Variants in DOCK9 observed in about 807,000 individuals in gnomAD.
DOCK9 encodes dedicator of cytokinesis protein 9.
Under a neutral mutation model 263.3 loss-of-function variants are expected in DOCK9, and 89 were observed. The observed-to-expected ratio is 0.34, with a 90% CI of 0.28 to 0.40. The LOEUF is 0.40. Ranked by LOEUF, DOCK9 falls within the 10% of genes least tolerant of loss-of-function variation. The pLI is 1.00. For missense variants in DOCK9, 2,140 were observed against 2,603.4 expected, an observed-to-expected ratio of 0.82 and a Z score of 3.87; for synonymous variants, 976 against 973.1, an observed-to-expected ratio of 1.00 and a Z score of -0.06.
intron 1 of DOCK9, among the ~76,000 whole-genome samples, chr13:98,966,488 T>A (rs1267324690): frequency 3.3e-5 from 5 of 152,196 alleles, no homozygotes; most frequent in Admixed American, 2.0e-4. Flanking sequence ...CTATCTCAAA[T>A]CTAGACTGTA....
At chr13:98,976,927 T>A (rs1427505991) in intron 1 of DOCK9, among the ~76,000 whole-genome samples, 2 of 111,150 alleles carry the variant, frequency 1.8e-5, no homozygotes, top group Non-Finnish European at 3.7e-5. Flanking sequence ...CAACTGAACC[T>A]CCACGTTAAA....
chr13:98,812,876 T>C (rs1261383071), intron 45 of DOCK9, among the ~76,000 whole-genome samples: 8 of 152,232 alleles, frequency 5.3e-5, no homozygotes, highest in Non-Finnish European at 1.0e-4. Context: ...TATGGATGAA[T>C]GTCAGTATAT....
At chr13:98,949,522 A>G (rs1483856474) in intron 2 of DOCK9, among the ~76,000 whole-genome samples, 1 of 152,186 alleles carries the variant, frequency 6.6e-6, no homozygotes, top group Non-Finnish European at 1.5e-5. Context: ...TGTAGAAAAC[A>G]TTGGAATTTT....
At chr13:98,831,613 G>A (rs1443004847) in intron 40 of DOCK9, 36 bp downstream of exon 40, 1 of 1,606,038 alleles carries the variant, frequency 6.2e-7, no homozygotes, top group Non-Finnish European at 8.5e-7. Context: ...GGGGGAAGAA[G>A]GAAAACATCT....
rs527534021 is a variant in DOCK9, at chr13:98,840,325, G to A, written c.4199-2716C>T. ...CCACTAGGGGGCCGTGGTGCCTGGG[G>A]CCCTGCACTGATTCGCTCCAGCCAG... is the stretch of plus-strand genomic sequence containing the variant. On this transcript the variant is annotated intron_variant, in intron 38 of 52. Coordinates refer to ENST00000682017, the MANE Select transcript of DOCK9 (RefSeq NM_001366683.2). Among the ~76,000 whole-genome samples the A allele has an allele frequency of 3.3e-5, 5 of 152,326 alleles. No individual in the cohort carries two copies. In the East Asian group the frequency reaches 7.7e-4, roughly 24 times the overall value.
At chr13:98,809,594 C>G (rs1268073315) in intron 46 of DOCK9, 129 bp from the exon 47 acceptor site, 25 of 742,182 alleles carry the variant, frequency 3.4e-5, no homozygotes, top group Middle Eastern at 7.9e-4. Context: ...CACATTTTGG[C>G]TGCACAACTT....
At chr13:98,803,391 T>C (rs1354916017) in intron 49 of DOCK9, among the ~76,000 whole-genome samples, 1 of 152,226 alleles carries the variant, frequency 6.6e-6, no homozygotes, top group African/African-American at 2.4e-5. Flanking sequence ...GACTCAGCAG[T>C]GAACTAGGTT....
chr13:99,058,251 G>A (rs1212039856), intron 1 of DOCK9, among the ~76,000 whole-genome samples: 2 of 149,048 alleles, frequency 1.3e-5, no homozygotes, highest in Admixed American at 1.4e-4. Flanking sequence ...TGCAACCTCC[G>A]CCACCCAGGT....
intron 51 of DOCK9, 63 bp downstream of exon 51, chr13:98,797,326 T>C (rs2089544727): frequency 3.1e-6 from 5 of 1,608,508 alleles, no homozygotes; most frequent in South Asian, 1.1e-5. Flanking sequence ...AGCATCTCCT[T>C]CCCGAATGAG....
intron 1 of DOCK9, among the ~76,000 whole-genome samples, chr13:98,992,736 T>C (rs1359277840): frequency 6.6e-6 from 1 of 152,204 alleles, no homozygotes; most frequent in Non-Finnish European, 1.5e-5. Context: ...TGTGAGTCCA[T>C]TAAACCTCTT....
intron 3 of DOCK9, among the ~76,000 whole-genome samples, chr13:98,926,950 A>G (rs1468448198): frequency 4.6e-5 from 7 of 152,248 alleles, no homozygotes; most frequent in African/African-American, 7.2e-5. Context: ...GTCACAGGCC[A>G]TGCCTGAAGG....
chr13:98,878,706 C>T (rs73556958), intron 27 of DOCK9, among the ~76,000 whole-genome samples: 1,652 of 152,264 alleles, frequency 0.011, 32 homozygotes, highest in African/African-American at 0.038. Context: ...ATCAGAAGCT[C>T]TAAACTGGAT....
intron 49 of DOCK9, among the ~76,000 whole-genome samples, chr13:98,801,554 T>C (rs757343975): frequency 6.6e-6 from 1 of 152,216 alleles, no homozygotes; most frequent in South Asian, 2.1e-4. Context: ...AGGAGTTAAT[T>C]TAAAAATGAA....
At chr13:99,051,366 G>A (rs1411652631) in intron 1 of DOCK9, among the ~76,000 whole-genome samples, 1 of 152,060 alleles carries the variant, frequency 6.6e-6, no homozygotes, top group Admixed American at 6.6e-5. Context: ...GAAAGTCCCT[G>A]AAGCAGACAG....
intron 1 of DOCK9, among the ~76,000 whole-genome samples, chr13:99,006,957 T>C (rs968388393): frequency 6.6e-6 from 1 of 152,050 alleles, no homozygotes; most frequent in Admixed American, 6.6e-5. Context: ...CTAGGCATGG[T>C]GGTGCTTGTC....
At chr13:98,837,271 G>A (rs959403661) in intron 39 of DOCK9, among the ~76,000 whole-genome samples, 3 of 152,116 alleles carry the variant, frequency 2.0e-5, no homozygotes, top group Non-Finnish European at 1.5e-5. Flanking sequence ...ATACCCAAGC[G>A]CGCAGCACAC....
chr13:99,008,248 T>TC (rs1363427486), intron 1 of DOCK9, among the ~76,000 whole-genome samples: 12 of 142,628 alleles, frequency 8.4e-5, no homozygotes, highest in African/African-American at 3.1e-4. Flanking sequence ...TTTTTTTTTT[T>TC]TGAGACGAAG....
At chr13:99,017,978 T>A (rs542637112) in intron 1 of DOCK9, among the ~76,000 whole-genome samples, 1 of 152,334 alleles carries the variant, frequency 6.6e-6, no homozygotes, top group African/African-American at 2.4e-5. Flanking sequence ...TCATATTGTA[T>A]ACCTTAAATT....
intron 1 of DOCK9, among the ~76,000 whole-genome samples, chr13:99,048,097 C>T (rs1229131740): frequency 3.9e-5 from 6 of 152,216 alleles, no homozygotes; most frequent in Non-Finnish European, 8.8e-5. Flanking sequence ...ACAGTTCTCA[C>T]TGAGAACATA....
Sources: allele counts gnomAD v4.1 joint callset (sites outside exome capture counted in the v4.1 genomes callset), GRCh38; gene constraint gnomAD v4.1.1; transcripts MANE v1.5; gene names NCBI Gene and HGNC (gene_info 2026-07-23, HGNC 2026-07-21).